The following TOP2B variants were observed in gnomAD, a reference collection of about 807,000 sequenced individuals.
TOP2B encodes DNA topoisomerase II beta, also known as DNA topoisomerase 2-beta.
Under a neutral mutation model 193.5 loss-of-function variants are expected in TOP2B, and 51 were observed. That is an observed-to-expected ratio of 0.26 (90% confidence interval 0.21 to 0.33). The LOEUF is 0.33. Among genes scored for constraint, TOP2B ranks in the 10% least tolerant of loss-of-function variants. The pLI is 1.00. For synonymous variants in TOP2B, 634 were observed against 635.7 expected, an observed-to-expected ratio of 1.00 and a Z score of 0.04; for missense variants, 1,378 against 1,909.3, an observed-to-expected ratio of 0.72 and a Z score of 5.19.
Position 25,664,483 on chromosome 3 carries a change from C to A in TOP2B, c.-186G>T, listed in dbSNP as rs1215389010. The A allele has an allele frequency of 4.2e-6, 5 of 1,197,308 alleles. No homozygotes were observed. The highest frequency in any genetic ancestry group is 5.2e-6 in the Non-Finnish European group (5 of 966,910). 74.2% of individuals were successfully genotyped at this position (1,197,308 alleles called of 1,614,324 possible). On this transcript the variant is annotated 5_prime_UTR_variant, in exon 1 of 36. Transcript: ENST00000264331. ...GCCGAGCCCGCTGAGGAGGCCGCGC[C>A]GCCGGCTGCCCTCAAACTCGAGGCG...
Position 25,664,358 on chromosome 3 carries a change from G to GCCGCTGGGCCCCGCCGCT in TOP2B, c.-79_-62dup. ...AGCCGCCGCTCCCGCCTCCCTGCGG[G>GCCGCTGGGCCCCGCCGCT]CCGCTGGGCCCCGCCGCTCCGCACC... On this transcript the variant is annotated 5_prime_UTR_variant, in exon 1 of 36. Transcript: ENST00000264331. 7.2e-7 allele frequency: 1 copy of GCCGCTGGGCCCCGCCGCT among 1,391,780 alleles called. No homozygotes were observed. Among genetic ancestry groups the GCCGCTGGGCCCCGCCGCT allele is most frequent in the Non-Finnish European group, 9.2e-7 (1 of 1,084,586 alleles). 86.2% of individuals were successfully genotyped at this position (1,391,780 alleles called of 1,614,324 possible). A position where few individuals can be genotyped will look rare whatever the true frequency, so the allele number is the denominator to read the frequency against.
At chr3:25,615,102 A>C in intron 27 of TOP2B, 103 bp downstream of exon 27, 1 of 944,056 alleles carries the variant, frequency 1.1e-6, no homozygotes, top group East Asian at 2.6e-5. Context: ...AAACATATTA[A>C]CCTTCACAGA....
Position 25,627,092 on chromosome 3 carries a change from A to C in TOP2B, c.2016+95T>G. ...TTAAAATTAACTAGCTTGAGCATTC[A>C]AAAGAGACTTATCATAGGGAACCAG... On this transcript the variant is annotated intron_variant, in intron 16 of 35. Transcript: ENST00000264331. The C allele has an allele frequency of 3.3e-6, 3 of 919,126 alleles. No individual in the cohort carries two copies. The South Asian group carries it at 5.3e-5, about 16-fold the overall frequency. 56.9% of individuals were successfully genotyped at this position (919,126 alleles called of 1,614,324 possible).
chr3:25,630,557 G>A, intron 11 of TOP2B, 88 bp from the exon 12 acceptor site: 1 of 1,095,558 alleles, frequency 9.1e-7, no homozygotes, highest in Non-Finnish European at 1.3e-6. Flanking sequence ...ACATTAGAAT[G>A]CTGACAGTGA....
chr3:25,636,045 T>A lies in TOP2B; in HGVS notation c.743A>T (p.Lys248Met), dbSNP rs1410378172. Residue 248 changes from lysine (K) to methionine (M), a missense_variant, in exon 7 of 36, where the codon AAG (lysine) becomes ATG (methionine). Physicochemically the swap from Lys to Met is moderately conservative, Grantham distance 95 (BLOSUM62 -1). Around this residue, in one of 9 missense-constraint regions of TOP2B, gnomAD observed 222 missense variants for 306.6 expected, o/e 0.72. Transcript: ENST00000264331. ...ITFQPDLSKF[K>M]MEKLDKDIVA... ...AATATCCTTGTCAAGTTTTTCCATC[T>A]TAAATTTGGACAGATCTGGTTGGAA... 1.2e-6 allele frequency: 2 copies of A among 1,613,478 alleles called. No homozygotes were observed. The highest frequency in any genetic ancestry group is 2.2e-5 in the South Asian group (2 of 91,058).
intron 3 of TOP2B, 94 bp downstream of exon 3, chr3:25,643,600 T>A: frequency 1.1e-6 from 1 of 899,150 alleles, no homozygotes; most frequent in Admixed American, 2.2e-5. Context: ...GATACACCTT[T>A]CAAATTTATA....
At chr3:25,657,229 C>T (rs569306274) in intron 1 of TOP2B, among the ~76,000 whole-genome samples, 6 of 152,108 alleles carry the variant, frequency 3.9e-5, no homozygotes, top group African/African-American at 1.4e-4. Flanking sequence ...AGAAAGTTGT[C>T]CCCTGAGCAA....
At chr3:25,607,874 T>G (rs1173410829) in intron 30 of TOP2B, among the ~76,000 whole-genome samples, 2 of 152,228 alleles carry the variant, frequency 1.3e-5, no homozygotes, top group African/African-American at 2.4e-5. Context: ...CTCAAACTCC[T>G]GGGCTCAAGC....
chr3:25,663,098 G>A (rs2164359), intron 1 of TOP2B, among the ~76,000 whole-genome samples: 19,723 of 152,112 alleles, frequency 0.13, 1,617 homozygotes, highest in East Asian at 0.2. Flanking sequence ...TAAGAGCATG[G>A]CAAGTTATTT....
chr3:25,602,387 ACT>A (rs1326771444), intron 33 of TOP2B, among the ~76,000 whole-genome samples: 3 of 130,250 alleles, frequency 2.3e-5, no homozygotes, highest in African/African-American at 3.4e-5. Flanking sequence ...ACAGAGCAAG[ACT>A]CTGTCTCAAA....
chr3:25,650,974 A>T (rs1315250420), intron 1 of TOP2B, among the ~76,000 whole-genome samples: 1 of 152,188 alleles, frequency 6.6e-6, no homozygotes, highest in Non-Finnish European at 1.5e-5. Flanking sequence ...ATGATGTCTT[A>T]TCCTTCTTAG....
At position 25,598,413 on chromosome 3, in the gene TOP2B, G is replaced by T. The variant is rs374901845; in HGVS notation, c.4775C>A (p.Thr1592Asn). 1 of 1,613,526 alleles carries T rather than the reference G, an allele frequency of 6.2e-7. No individual in the cohort carries two copies. Among genetic ancestry groups the T allele is most frequent in the Non-Finnish European group, 8.5e-7 (1 of 1,179,628 alleles). The change falls in exon 36 of 36, where the codon ACT becomes AAT. Residue 1592 changes from threonine to asparagine, a missense_variant. Physicochemically the swap from Thr to Asn is moderately conservative, Grantham distance 65. Coordinates refer to ENST00000264331, the MANE Select transcript of TOP2B (RefSeq NM_001330700.2). ...DVDIFPSDFPTEPPSLPRTGR... is the reference protein window; with the variant it reads ...DVDIFPSDFPNEPPSLPRTGR... Reference sequence around the variant, plus strand: ...GGTTCGTGGCAGAGAAGGTGGCTCAGTAGGGAAGTCTGAGGGGAAGATGTC... The same window carrying T: ...GGTTCGTGGCAGAGAAGGTGGCTCATTAGGGAAGTCTGAGGGGAAGATGTC...
chr3:25,598,229 T>G lies in TOP2B; in HGVS notation c.*78A>C. The G allele has an allele frequency of 2.8e-6, 4 of 1,409,746 alleles. No homozygotes were observed. In the South Asian group the frequency reaches 5.9e-5, roughly 21 times the overall value. 87.3% of individuals were successfully genotyped at this position (1,409,746 alleles called of 1,614,324 possible). On this transcript the variant is annotated 3_prime_UTR_variant, in exon 36 of 36. Coordinates refer to ENST00000264331, the MANE Select transcript of TOP2B (RefSeq NM_001330700.2). ...CATCATCACATTAAAATAAGCCAGA[T>G]GTACAAAAGTCTGAGACAGAGAAGA...
rs758298359 is a variant in TOP2B, at chr3:25,607,203, T to C, written c.4266A>G (p.Thr1422=). ...PSDGLDKDEY[T]FSPGKSKATP... ...TGGCTTTTGATTTGCCTGGTGAAAA[T>C]GTATATTCATCTTTATCTAACCCAT... Residue 1422 remains threonine, a synonymous_variant, in exon 31 of 36, where the codon ACA becomes ACG. Transcript: ENST00000264331. 3.7e-6 allele frequency: 6 copies of C among 1,612,484 alleles called. No individual in the cohort carries two copies. Among genetic ancestry groups the C allele is most frequent in the South Asian group, 2.2e-5 (2 of 90,896 alleles).
intron 18 of TOP2B, 106 bp from the exon 19 acceptor site, chr3:25,624,909 T>G: frequency 9.1e-7 from 1 of 1,101,564 alleles, no homozygotes. Flanking sequence ...ACCAGTAAAA[T>G]TGTTACTTGA....
rs766974741 is a variant in TOP2B, at chr3:25,627,200, G to T, written c.2003C>A (p.Ala668Asp). 5.6e-6 allele frequency: 9 copies of T among 1,598,034 alleles called. No individual in the cohort carries two copies. The highest frequency in any genetic ancestry group is 7.7e-6 in the Non-Finnish European group (9 of 1,173,838). ...LFRYAGPEDD[A>D]AITLAFSKKK... ...TAACTTAATTACCAAGGTAATGGCA[G>T]CATCATCTTCAGGACCAGCATATCT... The change falls in exon 16 of 36, where the codon GCT (alanine) becomes GAT (aspartate). Residue 668 changes from alanine to aspartate, a missense_variant. This residue lies in a region of TOP2B where 379 missense variants were observed against 615.1 expected (regional missense o/e 0.62). Coordinates refer to ENST00000264331, the MANE Select transcript of TOP2B (RefSeq NM_001330700.2).
chr3:25,643,154 G>T (rs1166863453), intron 3 of TOP2B, among the ~76,000 whole-genome samples: 1 of 152,170 alleles, frequency 6.6e-6, no homozygotes, highest in Non-Finnish European at 1.5e-5. Flanking sequence ...AGAATTTCTA[G>T]AGTGTCCTTG....
chr3:25,630,777 CT>C, intron 11 of TOP2B, 23 bp downstream of exon 11: 1 of 1,500,594 alleles, frequency 6.7e-7, no homozygotes, highest in Non-Finnish European at 8.8e-7. Flanking sequence ...AAATCAAAAT[CT>C]TATTTAAAAA....
chr3:25,633,410 T>G (rs1376439025), intron 8 of TOP2B, among the ~76,000 whole-genome samples: 1 of 152,100 alleles, frequency 6.6e-6, no homozygotes, highest in Non-Finnish European at 1.5e-5. Flanking sequence ...TGCCACCCTC[T>G]TGGCACCTCA....
Sources: gnomAD v4.1 joint callset for allele counts (sites outside exome capture counted in the v4.1 genomes callset) on GRCh38, gnomAD v4.1.1 for gene constraint, gnomAD v4.1.1 regional missense constraint, MANE v1.5 for transcripts, NCBI Gene and HGNC (gene_info 2026-07-23, HGNC 2026-07-21) for gene names.